Variants in RND3 observed in about 807,000 individuals in gnomAD.
The protein encoded by RND3 is rho-related GTP-binding protein RhoE.
Under a neutral mutation model 26.5 loss-of-function variants are expected in RND3, and 8 were observed. The ratio of observed to expected loss-of-function variants is 0.30; its 90% CI spans 0.18 to 0.54. The LOEUF is 0.54. Among genes scored for constraint, RND3 ranks in the 20% least tolerant of loss-of-function variants. The pLI, the probability that RND3 is intolerant of heterozygous loss-of-function variation, is 0.94. For missense variants in RND3, 207 were observed against 302.8 expected, an observed-to-expected ratio of 0.68 and a Z score of 2.35; for synonymous variants, 113 against 113.0, an observed-to-expected ratio of 1.00 and a Z score of 0.00.
intron 4 of RND3, among the ~76,000 whole-genome samples, chr2:150,473,905 G>T (rs1362156098): frequency 2.0e-5 from 3 of 152,234 alleles, no homozygotes; most frequent in African/African-American, 7.2e-5. Context: ...AGACTGGGCT[G>T]CATGGGTCAC....
intron 5 of RND3, among the ~76,000 whole-genome samples, chr2:150,471,212 T>C (rs758579899): frequency 3.9e-5 from 6 of 152,238 alleles, no homozygotes; most frequent in Non-Finnish European, 8.8e-5. Context: ...CTTTTGAAAC[T>C]GATTCTCATT....
intron 3 of RND3, among the ~76,000 whole-genome samples, chr2:150,475,709 A>G (rs1028564901): frequency 6.6e-6 from 1 of 152,218 alleles, no homozygotes. Flanking sequence ...ATTTTAACTT[A>G]TCGCCAAACC....
At chr2:150,476,501 TAAGC>T (rs1463074523) in intron 3 of RND3, among the ~76,000 whole-genome samples, 1 of 152,164 alleles carries the variant, frequency 6.6e-6, no homozygotes, top group Admixed American at 6.5e-5. Flanking sequence ...GTGTGTCTGC[TAAGC>T]AAGGAAGAAA....
In RND3 at chr2:150,469,609, TAAATC is replaced by T. The variant is rs1372422367; in HGVS notation, c.*373_*377del. 1 of 167,556 alleles carries T rather than the reference TAAATC, an allele frequency of 6.0e-6. No individual in the cohort carries two copies. Among genetic ancestry groups the T allele is most frequent in the African/African-American group, 2.5e-5 (1 of 39,254 alleles). 10.4% of individuals were successfully genotyped at this position (167,556 alleles called of 1,614,324 possible). On this transcript the variant is annotated 3_prime_UTR_variant, in exon 6 of 6. Coordinates refer to ENST00000263895, the MANE Select transcript of RND3 (RefSeq NM_005168.5). Reference sequence around the variant, plus strand: ...AAAGGAGATTAAAACATTTAAAAATTAAATCAAAGTGGAGATCCATGAATAGATTA... The same window carrying T: ...AAAGGAGATTAAAACATTTAAAAATTAAAGTGGAGATCCATGAATAGATTA...
At chr2:150,484,203 A>G (rs1258871444) in intron 3 of RND3, among the ~76,000 whole-genome samples, 1 of 152,242 alleles carries the variant, frequency 6.6e-6, no homozygotes, top group Admixed American at 6.5e-5. Context: ...TAACTGCTGT[A>G]TGCAAGGCAT....
chr2:150,480,891 T>C (rs1332217380), intron 3 of RND3, among the ~76,000 whole-genome samples: 2 of 152,190 alleles, frequency 1.3e-5, no homozygotes, highest in Non-Finnish European at 2.9e-5. Context: ...TTAAACCTAG[T>C]TTTGAAACCC....
At position 150,471,565 on chromosome 2, in the gene RND3, G is replaced by C. The variant is rs1232059034; in HGVS notation, c.483+62C>G. The C allele has an allele frequency of 9.9e-5, 136 of 1,368,996 alleles. 1 individual carries two copies. Among genetic ancestry groups the C allele is most frequent in the Non-Finnish European group, 1.3e-5 (13 of 991,098 alleles). 84.8% of individuals were successfully genotyped at this position (1,368,996 alleles called of 1,614,324 possible). A position where few individuals can be genotyped will look rare whatever the true frequency, so the allele number is the denominator to read the frequency against. ...CTACTTTTTATTTTATTTATTATGA[G>C]TGATAGTCCATTTCTTTCACTCTTT... On this transcript the variant is annotated intron_variant, in intron 5 of 5. Coordinates refer to ENST00000263895, the MANE Select transcript of RND3 (RefSeq NM_005168.5).
chr2:150,480,517 T>A (rs912826089), intron 3 of RND3, among the ~76,000 whole-genome samples: 9 of 152,194 alleles, frequency 5.9e-5, no homozygotes, highest in African/African-American at 9.7e-5. Flanking sequence ...TGGTGTCATA[T>A]TTACATGCAA....
At chr2:150,481,803 T>G (rs1051165809) in intron 3 of RND3, among the ~76,000 whole-genome samples, 1 of 152,160 alleles carries the variant, frequency 6.6e-6, no homozygotes, top group Non-Finnish European at 1.5e-5. Flanking sequence ...TATACTAATC[T>G]CCAATACTGC....
intron 4 of RND3, among the ~76,000 whole-genome samples, chr2:150,472,450 A>G (rs1686103001): frequency 1.3e-5 from 2 of 152,278 alleles, no homozygotes; most frequent in Admixed American, 6.5e-5. Flanking sequence ...ATCTATTCCA[A>G]TTTGTCTAGT....
In RND3 at chr2:150,486,770, A is replaced by T. The variant is rs1018596572; in HGVS notation, c.162T>A (p.Pro54=). 1 of 1,612,338 alleles carries T rather than the reference A, an allele frequency of 6.2e-7. No individual in the cohort carries two copies. The highest frequency in any genetic ancestry group is 8.5e-7 in the Non-Finnish European group (1 of 1,178,314). Residue 54 remains proline, a synonymous_variant, in exon 3 of 6, where the codon CCT becomes CCA. Transcript: ENST00000263895. The surrounding 1 kb of genome is among the most constrained non-coding windows in gnomAD (Gnocchi z 4.5). ...TGGCCGTGTAATTCTCAAACACTGT[A>T]GGAACGTAATTCTGGATAGACAAAA... ...AKDCFPENYV[P]TVFENYTASF...
chr2:150,469,761 T>G lies in RND3; in HGVS notation c.*226A>C. 3 of 516,042 alleles carry G rather than the reference T, an allele frequency of 5.8e-6. No individual in the cohort carries two copies. The highest frequency in any genetic ancestry group is 1.0e-5 in the Non-Finnish European group (3 of 294,386). The allele number at this position is 516,042 out of a possible 1,614,324, so 32.0% of individuals were successfully genotyped here. A position where few individuals can be genotyped will look rare whatever the true frequency, so the allele number is the denominator to read the frequency against. ...TTTGTATCTCTCATTTTTTGGCATATTTTTCAAGTCACACTTAAAAACTCT... is the reference window on the plus strand; with the variant it reads ...TTTGTATCTCTCATTTTTTGGCATAGTTTTCAAGTCACACTTAAAAACTCT... On this transcript the variant is annotated 3_prime_UTR_variant, in exon 6 of 6. Transcript: ENST00000263895.
At chr2:150,472,028 G>A (rs756280373) in intron 4 of RND3, 24 of 365,632 alleles carry the variant, frequency 6.6e-5, no homozygotes, top group Non-Finnish European at 8.0e-5. Flanking sequence ...AAAGAGACTT[G>A]GTAGATGTTG....
chr2:150,470,725 C>T (rs1469492329), intron 5 of RND3, among the ~76,000 whole-genome samples: 2 of 152,152 alleles, frequency 1.3e-5, no homozygotes, highest in African/African-American at 2.4e-5. Context: ...TGAACATAAA[C>T]TCTGCATTTT....
chr2:150,471,832 C>T (rs1442831634), intron 4 of RND3, 71 bp from the exon 5 acceptor site: 2 of 1,264,878 alleles, frequency 1.6e-6, no homozygotes, highest in Non-Finnish European at 1.1e-6. Context: ...AACCATTTCT[C>T]CACTGGCTGA....
intron 3 of RND3, among the ~76,000 whole-genome samples, chr2:150,475,286 C>T (rs1291383415): frequency 7.2e-5 from 11 of 152,066 alleles, no homozygotes. Flanking sequence ...GCACCTGGGG[C>T]CAGGTGGTCT....
rs777928835 is a variant in RND3, at chr2:150,486,796, T to C, written c.151-15A>G. 3.1e-6 allele frequency: 5 copies of C among 1,587,872 alleles called. No homozygotes were observed. In the South Asian group the frequency reaches 4.4e-5, roughly 14 times the overall value. On this transcript the variant is annotated splice_polypyrimidine_tract_variant and intron_variant, in intron 2 of 5. Coordinates refer to ENST00000263895, the MANE Select transcript of RND3 (RefSeq NM_005168.5). This position sits in a 1 kb window ranked among gnomAD's most constrained non-coding sequence, Gnocchi z 4.5. ...GGAACGTAATTCTGGATAGACAAAA[T>C]GGGCAAAAGAGGAAGGAAAGAGGGC...
intron 3 of RND3, among the ~76,000 whole-genome samples, chr2:150,477,265 G>A (rs6724019): frequency 0.42 from 64,376 of 151,916 alleles, 14,666 homozygotes; most frequent in African/African-American, 0.6. Context: ...TGTTCCAGGT[G>A]CCTACCAGCT....
intron 3 of RND3, among the ~76,000 whole-genome samples, chr2:150,475,499 A>C (rs1686149152): frequency 1.3e-5 from 2 of 152,230 alleles, no homozygotes; most frequent in Non-Finnish European, 2.9e-5. Context: ...TGCTGTTAAA[A>C]GCTGAGTGGT....
Sources: gnomAD v4.1 joint callset for allele counts (sites outside exome capture counted in the v4.1 genomes callset) on GRCh38, gnomAD v4.1.1 for gene constraint, Gnocchi (gnomAD v3.1) non-coding constraint, MANE v1.5 for transcripts, NCBI Gene and HGNC (gene_info 2026-07-23, HGNC 2026-07-21) for gene names.